Variants in DYNAP observed in about 807,000 individuals in gnomAD.
The protein encoded by DYNAP is dynactin-associated protein.
In DYNAP, 7 loss-of-function variants were observed where a neutral mutation model predicts 8.5. The observed-to-expected ratio is 0.82, with a 90% CI of 0.47 to 1.54. DYNAP has a LOEUF of 1.54. Ranked by LOEUF, DYNAP falls within the 40% of genes most tolerant of loss-of-function variation. The pLI, the probability that DYNAP is intolerant of heterozygous loss-of-function variation, is 0.01. For missense variants in DYNAP, 256 were observed against 224.3 expected (o/e 1.14, Z -0.90); for synonymous variants, 77 against 77.9 (o/e 0.99, Z 0.06).
At chr18:54,597,036 C>T (rs1911322713) in intron 2 of DYNAP, among the ~76,000 whole-genome samples, 1 of 151,972 alleles carries the variant, frequency 6.6e-6, no homozygotes, top group South Asian at 2.1e-4. Flanking sequence ...GTATTCTATT[C>T]CTGGAAGATC....
the DYNAP span, among the ~76,000 whole-genome samples, chr18:54,577,875 A>G: frequency 6.6e-6 from 1 of 151,498 alleles, no homozygotes; most frequent in Non-Finnish European, 1.5e-5. Flanking sequence ...GCTGAGGCAG[A>G]AGAATCGCTT....
Position 54,598,190 on chromosome 18 carries a change from AC to A in DYNAP, c.*47del. On this transcript the variant is annotated 3_prime_UTR_variant, in exon 3 of 3. Transcript: ENST00000648945. ...CACTTCAACTGAAACTTCAACCTCTACCACTTCAACTCAGTTTGCAACTATA... is the reference window on the plus strand; with the variant it reads ...CACTTCAACTGAAACTTCAACCTCTACACTTCAACTCAGTTTGCAACTATA... The A allele has an allele frequency of 6.4e-7, 1 of 1,553,746 alleles. No individual in the cohort carries two copies. The highest frequency in any genetic ancestry group is 8.7e-7 in the Non-Finnish European group (1 of 1,145,494).
intron 1 of DYNAP, among the ~76,000 whole-genome samples, chr18:54,594,256 A>G (rs1222647665): frequency 6.6e-6 from 1 of 152,106 alleles, no homozygotes; most frequent in Non-Finnish European, 1.5e-5. Context: ...CCCAGCAAAA[A>G]CATACTGCAA....
chr18:54,578,954 C>T, the DYNAP span, among the ~76,000 whole-genome samples: 1 of 152,188 alleles, frequency 6.6e-6, no homozygotes, highest in Non-Finnish European at 1.5e-5. Context: ...TGCCCACCAC[C>T]ATGCCCGGCT....
upstream of DYNAP, among the ~76,000 whole-genome samples, chr18:54,585,588 A>G (rs1188731964): frequency 6.6e-6 from 1 of 152,042 alleles, no homozygotes; most frequent in African/African-American, 2.4e-5. Context: ...GCCTCTTCCA[A>G]ACTGTCACCA....
At chr18:54,577,505 C>T in the DYNAP span, among the ~76,000 whole-genome samples, 4 of 149,160 alleles carry the variant, frequency 2.7e-5, no homozygotes, top group Non-Finnish European at 5.9e-5. Context: ...TGCTTATGTC[C>T]GGGAGGTCAA....
intron 1 of DYNAP, among the ~76,000 whole-genome samples, chr18:54,594,214 C>G (rs2144889262): frequency 6.6e-6 from 1 of 152,182 alleles, no homozygotes; most frequent in African/African-American, 2.4e-5. Flanking sequence ...TTGTTGTGGA[C>G]TGTTTTTACA....
At chr18:54,592,891 A>G (rs1348741893) in intron 1 of DYNAP, among the ~76,000 whole-genome samples, 1 of 152,142 alleles carries the variant, frequency 6.6e-6, no homozygotes, top group East Asian at 1.9e-4. Context: ...AAATTCTGGG[A>G]AACTGCCCCA....
upstream of DYNAP, among the ~76,000 whole-genome samples, chr18:54,583,452 G>A (rs967227297): frequency 7.9e-5 from 12 of 152,298 alleles, no homozygotes; most frequent in South Asian, 6.2e-4. Context: ...TTCTGGGAAC[G>A]TAGTTCCAGA....
chr18:54,583,603 A>G (rs920161744), upstream of DYNAP, among the ~76,000 whole-genome samples: 39 of 152,258 alleles, frequency 2.6e-4, no homozygotes, highest in African/African-American at 8.4e-4. Flanking sequence ...CCCATACATT[A>G]CAATTATTGA....
chr18:54,578,436 G>A, the DYNAP span, among the ~76,000 whole-genome samples: 1 of 152,146 alleles, frequency 6.6e-6, no homozygotes, highest in Admixed American at 6.5e-5. Flanking sequence ...ACACATGCAT[G>A]GATGCATCAT....
upstream of DYNAP, chr18:54,587,609 A>G (rs367725970): frequency 1.7e-4 from 60 of 348,806 alleles, no homozygotes; most frequent in Non-Finnish European, 3.6e-5. Flanking sequence ...GTTCTTGTTT[A>G]TATTAATTTT....
chr18:54,581,709 A>T, the DYNAP span, among the ~76,000 whole-genome samples: 1 of 152,250 alleles, frequency 6.6e-6, no homozygotes, highest in Non-Finnish European at 1.5e-5. Context: ...CTATGAAGAA[A>T]GAATTATATA....
At chr18:54,581,035 A>G in the DYNAP span, among the ~76,000 whole-genome samples, 2 of 152,238 alleles carry the variant, frequency 1.3e-5, no homozygotes, top group African/African-American at 2.4e-5. Flanking sequence ...ATAAAATTAA[A>G]TGGTTCAGCA....
intron 1 of DYNAP, among the ~76,000 whole-genome samples, chr18:54,592,674 G>C (rs1911128710): frequency 6.6e-6 from 1 of 152,074 alleles, no homozygotes; most frequent in Non-Finnish European, 1.5e-5. Context: ...TGCTGATTAT[G>C]CTAATGCTGG....
At chr18:54,591,104 C>A, upstream of DYNAP, 1 of 1,249,962 alleles carries the variant, frequency 8.0e-7, no homozygotes, top group Non-Finnish European at 1.1e-6. Flanking sequence ...TCATTTCCTC[C>A]TCTAAGGTGG....
chr18:54,594,851 T>A (rs1911218735), intron 1 of DYNAP, 88 bp from the exon 2 acceptor site: 1 of 1,401,126 alleles, frequency 7.1e-7, no homozygotes. Flanking sequence ...GTCATACTCT[T>A]AGGTACTTTT....
At chr18:54,577,343 T>C in the DYNAP span, among the ~76,000 whole-genome samples, 1 of 152,040 alleles carries the variant, frequency 6.6e-6, no homozygotes, top group South Asian at 2.1e-4. Flanking sequence ...TCTCAACAGT[T>C]TGAGAAACCC....
At chr18:54,594,792 T>C in intron 1 of DYNAP, 147 bp from the exon 2 acceptor site, 2 of 835,574 alleles carry the variant, frequency 2.4e-6, no homozygotes, top group Non-Finnish European at 3.5e-6. Context: ...ATAATCTGTC[T>C]AGATTTTTTT....
Sources: gnomAD v4.1 joint callset for allele counts (sites outside exome capture counted in the v4.1 genomes callset) on GRCh38, gnomAD v4.1.1 for gene constraint, MANE v1.5 for transcripts, NCBI Gene and HGNC (gene_info 2026-07-23, HGNC 2026-07-21) for gene names.